Variants in DDO observed in about 807,000 individuals in gnomAD.
DDO encodes D-aspartate oxidase, also known as D-aspartate oxidase, DDO.
Under a neutral mutation model 16.8 loss-of-function variants are expected in DDO, and 16 were observed. That is an observed-to-expected ratio of 0.95 (90% CI 0.65 to 1.45). DDO has a LOEUF of 1.45. Ranked by LOEUF, DDO falls within the 40% of genes most tolerant of loss-of-function variation. The pLI, the probability that DDO is intolerant of heterozygous loss-of-function variation, is 0.00. For synonymous variants in DDO, 180 were observed against 167.2 expected, an observed-to-expected ratio of 1.08 and a Z score of -0.59; for missense variants, 429 against 420.3, an observed-to-expected ratio of 1.02 and a Z score of -0.18.
At chr6:110,403,165 A>G (rs1016974380) in intron 4 of DDO, among the ~76,000 whole-genome samples, 20 of 152,236 alleles carry the variant, frequency 1.3e-4, no homozygotes, top group African/African-American at 4.6e-4. Flanking sequence ...TATTGAAAGG[A>G]AACTCTGCCA....
At chr6:110,391,689 T>G (rs1773105692), downstream of DDO, 1 of 152,202 alleles carries the variant, frequency 6.6e-6, no homozygotes, top group African/African-American at 2.4e-5. Flanking sequence ...CAGCACTTCA[T>G]TTTCCGTCCA....
chr6:110,391,467 C>T (rs764468194), downstream of DDO, among the ~76,000 whole-genome samples: 16 of 150,546 alleles, frequency 1.1e-4, no homozygotes, highest in Non-Finnish European at 2.2e-4. Context: ...TCCCGAGTAG[C>T]TGAGATTACA....
intron 4 of DDO, among the ~76,000 whole-genome samples, chr6:110,400,510 G>T (rs1773451166): frequency 1.3e-5 from 2 of 152,182 alleles, no homozygotes; most frequent in African/African-American, 4.8e-5. Context: ...CCCTGCCTCT[G>T]CCCCCTTCTA....
At chr6:110,404,580 G>C (rs947349049) in intron 4 of DDO, among the ~76,000 whole-genome samples, 194 bp downstream of exon 4, 1 of 152,218 alleles carries the variant, frequency 6.6e-6, no homozygotes, top group Non-Finnish European at 1.5e-5. Flanking sequence ...TAGAAGCATG[G>C]TGTGACTTAG....
At chr6:110,388,700 T>C (rs1052529698), downstream of DDO, 30 of 675,584 alleles carry the variant, frequency 4.4e-5, no homozygotes, top group Non-Finnish European at 5.5e-5. Context: ...ATGACAGGGC[T>C]CAAAGCAGCC....
chr6:110,402,025 C>T lies in DDO; in HGVS notation c.458+2749G>A, dbSNP rs140243291. Among the ~76,000 whole-genome samples the T allele has an allele frequency of 7.2e-5, 11 of 152,288 alleles. No individual in the cohort carries two copies. The East Asian group carries it at 9.6e-4, about 13-fold the overall frequency. ...CACCCCAACATGCAGGACCTCAATCCGATCCCGAGGAAACATCACACAAAC... is the reference window on the plus strand; with the variant it reads ...CACCCCAACATGCAGGACCTCAATCTGATCCCGAGGAAACATCACACAAAC... On this transcript the variant is annotated intron_variant, in intron 4 of 4. Coordinates refer to ENST00000368924, the MANE Select transcript of DDO (RefSeq NM_001372108.2).
intron 2 of DDO, among the ~76,000 whole-genome samples, chr6:110,412,490 C>T (rs759390200): frequency 5.9e-5 from 9 of 152,188 alleles, no homozygotes; most frequent in Admixed American, 1.3e-4. Context: ...ATCCATCTTC[C>T]GGGAACTATA....
intron 4 of DDO, among the ~76,000 whole-genome samples, chr6:110,399,754 G>T (rs1390374568): frequency 6.6e-6 from 1 of 152,230 alleles, no homozygotes. Context: ...GGGTCAGGAG[G>T]GAGCCAGGTC....
In DDO at chr6:110,392,943, C is replaced by G; in HGVS notation, c.858G>C (p.Leu286=). 6.2e-7 allele frequency: 1 copy of G among 1,614,200 alleles called. No homozygotes were observed. The highest frequency in any genetic ancestry group is 1.1e-5 in the South Asian group (1 of 91,082). Reference sequence around the variant, plus strand: ...CATCTCGCGCAAGGAGCTCTGTCTGCAGTCGCACGCCTGGCCTGTAGGGCC... The same window carrying G: ...CATCTCGCGCAAGGAGCTCTGTCTGGAGTCGCACGCCTGGCCTGTAGGGCC... ...GLRPYRPGVR[L]QTELLARDGQ... is the part of the protein sequence containing the mutation. Residue 286 remains leucine (L), a synonymous_variant, in exon 5 of 5, where the codon CTG becomes CTC. Coordinates refer to ENST00000368924, the MANE Select transcript of DDO (RefSeq NM_001372108.2).
At chr6:110,410,065 AC>A (rs35625137) in intron 2 of DDO, among the ~76,000 whole-genome samples, 25,693 of 152,168 alleles carry the variant, frequency 0.17, 2,417 homozygotes, top group East Asian at 0.33. Context: ...CCCCACAACA[AC>A]CCTATGGGAC....
At chr6:110,407,146 C>T (rs185578840) in intron 3 of DDO, among the ~76,000 whole-genome samples, 24 of 152,308 alleles carry the variant, frequency 1.6e-4, no homozygotes, top group African/African-American at 4.3e-4. Flanking sequence ...TATATACTTA[C>T]GCCAAAGATG....
chr6:110,405,090 G>GAGA, intron 3 of DDO, 140 bp from the exon 4 acceptor site: 2 of 839,778 alleles, frequency 2.4e-6, no homozygotes, highest in Non-Finnish European at 3.6e-6. Context: ...AGGTGGGAGT[G>GAGA]CAGTGGCACA....
In DDO at chr6:110,392,972, A is replaced by G. The variant is rs749023222; in HGVS notation, c.829T>C (p.Leu277=). 8 of 1,613,338 alleles carry G rather than the reference A, an allele frequency of 5.0e-6. No individual in the cohort carries two copies. The highest frequency in any genetic ancestry group is 6.8e-6 in the Non-Finnish European group (8 of 1,179,404). Residue 277 remains leucine (L), a synonymous_variant, in exon 5 of 5, where the codon TTG becomes CTG. Transcript: ENST00000368924. The part of the protein sequence containing the change: ...GACNIREKVG[L]RPYRPGVRLQ... ...CGCACGCCTGGCCTGTAGGGCCTCA[A>G]GCCCACCTTCTCCCTGATGTTGCAG...
chr6:110,406,047 T>C (rs1773643762), intron 3 of DDO, among the ~76,000 whole-genome samples: 1 of 152,212 alleles, frequency 6.6e-6, no homozygotes, highest in African/African-American at 2.4e-5. Flanking sequence ...ACAAATGTCC[T>C]TTACTGCAGG....
chr6:110,408,426 C>A lies in DDO; in HGVS notation c.189G>T (p.Thr63=), dbSNP rs1005640093. 4.3e-6 allele frequency: 7 copies of A among 1,613,952 alleles called. No individual in the cohort carries two copies. Among genetic ancestry groups the A allele is most frequent in the Non-Finnish European group, 5.9e-6 (7 of 1,179,960 alleles). ...AGGTTTCTCTGAACCACTGCTTCTG[C>A]GTGTGAATGGGTGTATCTGTAATCA... ...PHTYPDTPIH[T]QKQWFRETFN... The change falls in exon 3 of 5, where the codon ACG becomes ACT. Residue 63 remains threonine (T), a synonymous_variant. Transcript: ENST00000368924.
intron 4 of DDO, among the ~76,000 whole-genome samples, chr6:110,404,129 G>A (rs1773570206): frequency 1.3e-5 from 2 of 152,306 alleles, no homozygotes; most frequent in East Asian, 3.9e-4. Context: ...CAGATTTACT[G>A]ATGTATCTCA....
At chr6:110,413,219 G>A in intron 2 of DDO, 72 bp downstream of exon 2, 1 of 1,537,806 alleles carries the variant, frequency 6.5e-7, no homozygotes, top group Non-Finnish European at 8.9e-7. Context: ...GCTGTCTTTT[G>A]TCAATAGAAT....
rs749680868 is a variant in DDO at position 110,413,426 on chromosome 6, C to T, written c.37G>A (p.Val13Met). The T allele has an allele frequency of 6.2e-7, 1 of 1,613,950 alleles. No individual in the cohort carries two copies. Among genetic ancestry groups the T allele is most frequent in the South Asian group, 1.1e-5 (1 of 91,056 alleles). ...TARIAVVGAG[V>M]VGLSTAVCIS... ...CACACAGCCGTGGAGAGCCCCACCA[C>T]ACCTGCCCCGACAACTGCAATCCGT... is the stretch of plus-strand genomic sequence containing the variant. The change falls in exon 2 of 5, where the codon GTG (valine) becomes ATG (methionine). Residue 13 changes from valine to methionine, a missense_variant. Val to Met is a conservative substitution (Grantham distance 21). Coordinates refer to ENST00000368924, the MANE Select transcript of DDO (RefSeq NM_001372108.2).
At chr6:110,393,647 C>G (rs939388191) in intron 4 of DDO, among the ~76,000 whole-genome samples, 2 of 152,150 alleles carry the variant, frequency 1.3e-5, no homozygotes, top group African/African-American at 4.8e-5. Flanking sequence ...TGAATAAATG[C>G]CAAGTTGATT....
Sources: allele counts gnomAD v4.1 joint callset (sites outside exome capture counted in the v4.1 genomes callset), GRCh38; gene constraint gnomAD v4.1.1; transcripts MANE v1.5; gene names NCBI Gene and HGNC (gene_info 2026-07-23, HGNC 2026-07-21).